The following ARID1B variants were observed in gnomAD, a reference collection of about 807,000 sequenced individuals.
ARID1B encodes AT-rich interactive domain-containing protein 1B.
In ARID1B, 30 loss-of-function variants were observed where a neutral mutation model predicts 212.3. The ratio of observed to expected loss-of-function variants is 0.14; its 90% CI spans 0.11 to 0.19. The LOEUF (loss-of-function observed/expected upper bound fraction) is 0.19, where lower values mean the gene tolerates loss of function less well. Among genes scored for constraint, ARID1B ranks in the 10% least tolerant of loss-of-function variants. The pLI is 1.00. For missense variants in ARID1B, 2,891 were observed against 3,204.0 expected (o/e 0.90, Z 2.36); for synonymous variants, 1,402 against 1,301.7 (o/e 1.08, Z -1.66).
At chr6:156,983,989 G>A (rs761416244) in intron 4 of ARID1B, among the ~76,000 whole-genome samples, 9 of 151,966 alleles carry the variant, frequency 5.9e-5, no homozygotes, top group East Asian at 1.9e-4. Context: ...TATTGTTTCC[G>A]TTTACAAATC....
At chr6:156,837,406 C>T (rs1020061680) in intron 2 of ARID1B, among the ~76,000 whole-genome samples, 6 of 152,222 alleles carry the variant, frequency 3.9e-5, no homozygotes, top group East Asian at 1.9e-4. Flanking sequence ...AAGTGAAGTC[C>T]GGATGGAAAC....
intron 2 of ARID1B, among the ~76,000 whole-genome samples, chr6:156,834,223 C>T (rs563893697): frequency 2.1e-5 from 3 of 140,026 alleles, no homozygotes; most frequent in African/African-American, 4.9e-5. Context: ...ATCTTTGAAT[C>T]CTAAATATGA....
At chr6:156,928,584 C>A (rs1028420548) in intron 3 of ARID1B, among the ~76,000 whole-genome samples, 1 of 152,152 alleles carries the variant, frequency 6.6e-6, no homozygotes. Flanking sequence ...GGAATCACCA[C>A]CAAGCAGGGG....
At chr6:156,869,810 A>G (rs569510234) in intron 2 of ARID1B, among the ~76,000 whole-genome samples, 15 of 152,376 alleles carry the variant, frequency 9.8e-5, no homozygotes, top group Non-Finnish European at 1.6e-4. Context: ...TCCTGTAGGG[A>G]AAAATCGGTT....
At chr6:156,984,275 A>G (rs1178356694) in intron 4 of ARID1B, among the ~76,000 whole-genome samples, 2 of 152,188 alleles carry the variant, frequency 1.3e-5, no homozygotes, top group Admixed American at 6.5e-5. Flanking sequence ...TTTAATAATC[A>G]TTGGAACTAA....
intron 2 of ARID1B, among the ~76,000 whole-genome samples, chr6:156,833,596 C>G (rs866517150): frequency 1.6e-4 from 24 of 152,058 alleles, no homozygotes; most frequent in African/African-American, 5.8e-4. Flanking sequence ...GATGGGAAAA[C>G]ATGACTTTTT....
chr6:157,132,912 T>C lies in ARID1B; in HGVS notation c.2582-116T>C, dbSNP rs6913416. ...TGTCTTTAGCTATTTTTTAGGAGAATCTTATGGTACCAGCCTTCTCCCCTG... is the reference window on the plus strand; with the variant it reads ...TGTCTTTAGCTATTTTTTAGGAGAACCTTATGGTACCAGCCTTCTCCCCTG... On this transcript the variant is annotated intron_variant, in intron 6 of 19. Coordinates refer to ENST00000636930, the MANE Select transcript of ARID1B (RefSeq NM_001374828.1). The C allele has an allele frequency of 0.11, 120,695 of 1,142,614 alleles. 8,699 individuals carry two copies. Among genetic ancestry groups the C allele is most frequent in the African/African-American group, 0.33 (20,903 of 63,920 alleles). 70.8% of individuals were successfully genotyped at this position (1,142,614 alleles called of 1,614,324 possible).
chr6:157,153,091 G>T (rs578125481), intron 8 of ARID1B, among the ~76,000 whole-genome samples: 2 of 152,244 alleles, frequency 1.3e-5, no homozygotes, highest in South Asian at 4.1e-4. Context: ...ATAGTAGAGA[G>T]AAAAAACATG....
chr6:157,199,002 T>A, intron 17 of ARID1B, 95 bp downstream of exon 17: 1 of 1,054,984 alleles, frequency 9.5e-7, no homozygotes, highest in Non-Finnish European at 1.4e-6. Context: ...TTTTCAGACA[T>A]CTAACAAAAA....
chr6:157,137,232 G>A (rs1371160854), intron 7 of ARID1B, among the ~76,000 whole-genome samples: 1 of 152,114 alleles, frequency 6.6e-6, no homozygotes, highest in Non-Finnish European at 1.5e-5. Flanking sequence ...GGGAATGTTA[G>A]AAATGTATAT....
intron 2 of ARID1B, among the ~76,000 whole-genome samples, chr6:156,858,844 TA>T (rs1205036678): frequency 6.6e-6 from 1 of 152,028 alleles, no homozygotes; most frequent in Non-Finnish European, 1.5e-5. Flanking sequence ...TCATAATAAT[TA>T]AAAGTTAAAA....
intron 1 of ARID1B, among the ~76,000 whole-genome samples, chr6:156,785,911 T>C (rs1451124698): frequency 6.6e-6 from 1 of 152,214 alleles, no homozygotes; most frequent in East Asian, 1.9e-4. Context: ...CTCATAGAGT[T>C]TGAGGATCTC....
At chr6:157,081,720 T>C (rs781675044) in intron 4 of ARID1B, among the ~76,000 whole-genome samples, 2 of 152,256 alleles carry the variant, frequency 1.3e-5, no homozygotes, top group South Asian at 4.1e-4. Context: ...AACCATAATA[T>C]GGAATTTTAA....
intron 4 of ARID1B, among the ~76,000 whole-genome samples, chr6:156,946,141 G>A (rs1793115514): frequency 6.6e-6 from 1 of 151,150 alleles, no homozygotes; most frequent in Non-Finnish European, 1.5e-5. Flanking sequence ...CAGACCACTT[G>A]AGGTCAGGAG....
Position 156,778,982 on chromosome 6 carries a change from AGGC to A in ARID1B, c.1318_1320del (p.Gly440del), listed in dbSNP as rs797045268. ...CCGCGGCGGCGGCGGCAGCAGCAGG[AGGC>A]GGCGGCGGCGGCGGCTATGGGGGCT... On this transcript the variant is annotated inframe_deletion, in exon 1 of 20. Transcript: ENST00000636930. 799 of 1,261,192 alleles carry A rather than the reference AGGC, an allele frequency of 6.3e-4. 1 individual carries two copies. Among genetic ancestry groups the A allele is most frequent in the East Asian group, 6.2e-3 (191 of 30,648 alleles). The allele number at this position is 1,261,192 out of a possible 1,614,324, so 78.1% of individuals were successfully genotyped here.
chr6:157,197,102 C>T (rs1188874859), intron 16 of ARID1B, among the ~76,000 whole-genome samples: 2 of 152,218 alleles, frequency 1.3e-5, no homozygotes, highest in African/African-American at 4.8e-5. Flanking sequence ...TGGGCCCTGA[C>T]TTCAATACTC....
chr6:156,949,283 A>G (rs1793400996), intron 4 of ARID1B, among the ~76,000 whole-genome samples: 1 of 152,154 alleles, frequency 6.6e-6, no homozygotes, highest in South Asian at 2.1e-4. Flanking sequence ...TATCAGATAT[A>G]TATATCTAAA....
chr6:157,003,865 A>T (rs1186002042), intron 4 of ARID1B, among the ~76,000 whole-genome samples: 1 of 151,886 alleles, frequency 6.6e-6, no homozygotes, highest in African/African-American at 2.4e-5. Flanking sequence ...ATTAAAAAAA[A>T]ATTTTTTTTT....
intron 4 of ARID1B, chr6:157,023,102 C>T (rs1330019966): frequency 1.3e-5 from 2 of 152,186 alleles, no homozygotes; most frequent in South Asian, 2.1e-4. Flanking sequence ...TAACTGATGA[C>T]ATTTGCCAGT....
Sources: gnomAD v4.1 joint callset for allele counts (sites outside exome capture counted in the v4.1 genomes callset) on GRCh38, gnomAD v4.1.1 for gene constraint, MANE v1.5 for transcripts, NCBI Gene and HGNC (gene_info 2026-07-23, HGNC 2026-07-21) for gene names.